Variants in NECTIN2 observed in about 807,000 individuals in gnomAD.
NECTIN2 encodes the protein nectin cell adhesion molecule 2.
In NECTIN2, 23 loss-of-function variants were observed where a neutral mutation model predicts 56.9. The ratio of observed to expected loss-of-function variants is 0.40; its 90% CI spans 0.29 to 0.57. The LOEUF (loss-of-function observed/expected upper bound fraction) is 0.57. NECTIN2 is among the 20% of genes least tolerant of loss of function. The pLI is 0.38. For missense variants in NECTIN2, 587 were observed against 718.3 expected, an observed-to-expected ratio of 0.82 and a Z score of 2.09; for synonymous variants, 302 against 313.8, an observed-to-expected ratio of 0.96 and a Z score of 0.40.
In NECTIN2 at chr19:44,888,825, T is replaced by A. The variant is rs1969389345; in HGVS notation, c.*446T>A. ...GACCTGAGCCCTCCAGGCAGCAGGG[T>A]CCCACTTACCCCCTCCCCACCCTGT... On this transcript the variant is annotated 3_prime_UTR_variant, in exon 9 of 9. Transcript: ENST00000252483. 1 of 160,942 alleles carries A rather than the reference T, an allele frequency of 6.2e-6. No homozygotes were observed. Among genetic ancestry groups the A allele is most frequent in the Non-Finnish European group, 1.4e-5 (1 of 72,830 alleles). The allele number at this position is 160,942 out of a possible 1,614,324, so 10.0% of individuals were successfully genotyped here.
chr19:44,852,006 G>A (rs1223850744), intron 1 of NECTIN2, among the ~76,000 whole-genome samples: 1 of 152,016 alleles, frequency 6.6e-6, no homozygotes, highest in African/African-American at 2.4e-5. Context: ...CCCATTCCAA[G>A]TTCTGAGTGT....
intron 1 of NECTIN2, among the ~76,000 whole-genome samples, chr19:44,860,746 G>A (rs1049036398): frequency 6.6e-6 from 1 of 151,384 alleles, no homozygotes. Context: ...AAGTGAACAC[G>A]TCCGGCTAAT....
chr19:44,872,245 G>T, intron 3 of NECTIN2, 96 bp downstream of exon 3: 1 of 1,432,094 alleles, frequency 7.0e-7, no homozygotes, highest in Non-Finnish European at 9.5e-7. Context: ...TGTCTACGTG[G>T]GTTCCCTGAA....
rs1568596078 is a variant in NECTIN2, at chr19:44,873,942, T to C, written c.802T>C (p.Tyr268His). Residue 268 changes from tyrosine to histidine, a missense_variant, in exon 4 of 9, where the codon TAT (tyrosine) becomes CAT (histidine). Coordinates refer to ENST00000252483, the MANE Select transcript of NECTIN2 (RefSeq NM_001042724.2). Reference protein sequence around the residue: ...RYPPEVSISGYDDNWYLGRTD... With the variant: ...RYPPEVSISGHDDNWYLGRTD... Reference sequence around the variant, plus strand: ...CCCTCCTGAAGTGTCCATCTCCGGCTATGATGACAACTGGTACCTCGGCCG... The same window carrying C: ...CCCTCCTGAAGTGTCCATCTCCGGCCATGATGACAACTGGTACCTCGGCCG... 2.7e-5 allele frequency: 43 copies of C among 1,614,042 alleles called. No homozygotes were observed. The highest frequency in any genetic ancestry group is 3.6e-5 in the Non-Finnish European group (43 of 1,179,930).
At chr19:44,846,750 C>T (rs1968840114) in intron 1 of NECTIN2, 137 bp downstream of exon 1, 7 of 979,714 alleles carry the variant, frequency 7.1e-6, no homozygotes, top group Non-Finnish European at 8.6e-6. Flanking sequence ...CCTGGCTGGC[C>T]CCACAGACTC....
intron 2 of NECTIN2, among the ~76,000 whole-genome samples, chr19:44,869,858 C>T (rs936614267): frequency 5.9e-5 from 9 of 151,756 alleles, no homozygotes; most frequent in South Asian, 2.1e-4. Context: ...CTAAGGCAGG[C>T]GAATTGCTGA....
chr19:44,874,696 G>C lies in NECTIN2; in HGVS notation c.1042+218G>C. On this transcript the variant is annotated intron_variant, in intron 5 of 8. Transcript: ENST00000252483. This position sits in a 1 kb window ranked among gnomAD's most constrained non-coding sequence, Gnocchi z 6.3. ...GGGGTAGGTGAAGGCAGCAGAGTTG[G>C]GGGGTTGAGGACTTTGCTCGGGGTT... is the stretch of plus-strand genomic sequence containing the variant. 2 of 578,416 alleles carry C rather than the reference G, an allele frequency of 3.5e-6. No individual in the cohort carries two copies. Among genetic ancestry groups the C allele is most frequent in the Non-Finnish European group, 6.1e-6 (2 of 327,248 alleles). The allele number at this position is 578,416 out of a possible 1,614,324, so 35.8% of individuals were successfully genotyped here.
At chr19:44,878,558 G>C (rs776033213) in intron 5 of NECTIN2, 4 of 1,613,832 alleles carry the variant, frequency 2.5e-6, no homozygotes, top group Non-Finnish European at 2.5e-6. Flanking sequence ...CCCAGCACTC[G>C]AGGATGACAT....
At chr19:44,872,972 C>T (rs1211976676) in intron 3 of NECTIN2, among the ~76,000 whole-genome samples, 1 of 150,896 alleles carries the variant, frequency 6.6e-6, no homozygotes, top group South Asian at 2.1e-4. Flanking sequence ...TTGATCCTGA[C>T]CCCTCCCACT....
intron 5 of NECTIN2, chr19:44,881,968 C>A: frequency 2.8e-6 from 1 of 358,704 alleles, no homozygotes; most frequent in Non-Finnish European, 5.0e-6. Flanking sequence ...CCCTGCCCAA[C>A]CAGAATCAAA....
intron 6 of NECTIN2, among the ~76,000 whole-genome samples, chr19:44,883,954 A>C (rs1200475641): frequency 6.7e-6 from 1 of 150,282 alleles, no homozygotes; most frequent in Non-Finnish European, 1.5e-5. Flanking sequence ...ACCTGTCTAC[A>C]AAAAAAATAC....
chr19:44,874,301 C>A lies in NECTIN2; in HGVS notation c.894-29C>A. The A allele has an allele frequency of 8.1e-6, 13 of 1,610,194 alleles. No individual in the cohort carries two copies. Among genetic ancestry groups the A allele is most frequent in the Non-Finnish European group, 1.1e-5 (13 of 1,176,494 alleles). ...TGTGCTCCCCTCTCGACCTTGGTAT[C>A]CCTCTCACCTGACCCCACACCCCTC... On this transcript the variant is annotated intron_variant, in intron 4 of 8. Coordinates refer to ENST00000252483, the MANE Select transcript of NECTIN2 (RefSeq NM_001042724.2). This position sits in a 1 kb window ranked among gnomAD's most constrained non-coding sequence, Gnocchi z 6.3.
chr19:44,852,538 A>C (rs1469239786), intron 1 of NECTIN2, among the ~76,000 whole-genome samples: 2 of 151,532 alleles, frequency 1.3e-5, no homozygotes, highest in Non-Finnish European at 2.9e-5. Flanking sequence ...AAAAAAAAAA[A>C]AAACAGAAAA....
At chr19:44,854,810 C>A (rs1968944428) in intron 1 of NECTIN2, among the ~76,000 whole-genome samples, 1 of 151,056 alleles carries the variant, frequency 6.6e-6, no homozygotes, top group East Asian at 1.9e-4. Flanking sequence ...GAGACTCCAC[C>A]TCAAAAAAAA....
Position 44,888,489 on chromosome 19 carries a change from G to A in NECTIN2, c.*110G>A. The A allele has an allele frequency of 8.3e-7, 1 of 1,211,542 alleles. No individual in the cohort carries two copies. Among genetic ancestry groups the A allele is most frequent in the Non-Finnish European group, 1.2e-6 (1 of 868,046 alleles). 75.0% of individuals were successfully genotyped at this position (1,211,542 alleles called of 1,614,324 possible). A position where few individuals can be genotyped will look rare whatever the true frequency, so the allele number is the denominator to read the frequency against. ...CAGGCCACTGTCAGTTAACACATATGCATTCCATTTGTGATGTCTACCTTG... is the reference window on the plus strand; with the variant it reads ...CAGGCCACTGTCAGTTAACACATATACATTCCATTTGTGATGTCTACCTTG... On this transcript the variant is annotated 3_prime_UTR_variant, in exon 9 of 9. Coordinates refer to ENST00000252483, the MANE Select transcript of NECTIN2 (RefSeq NM_001042724.2).
At chr19:44,872,948 C>T (rs1329504262) in intron 3 of NECTIN2, among the ~76,000 whole-genome samples, 1 of 148,240 alleles carries the variant, frequency 6.7e-6, no homozygotes, top group East Asian at 1.9e-4. Context: ...ACAGGCTCCA[C>T]CCCCCGGGCC....
chr19:44,858,879 G>T (rs1033183693), intron 1 of NECTIN2, among the ~76,000 whole-genome samples: 2 of 152,102 alleles, frequency 1.3e-5, no homozygotes, highest in African/African-American at 4.8e-5. Context: ...CTGGCCCCAA[G>T]TGAGCCTCCT....
rs139659409 is a variant in NECTIN2, at chr19:44,882,906, G to C, written c.1196+542G>C. 4.7e-3 allele frequency among the ~76,000 whole-genome samples: 704 copies of C among 150,580 alleles called. 3 individuals carry two copies. The highest frequency in any genetic ancestry group is 0.017 in the African/African-American group (683 of 40,934). Reference sequence around the variant, plus strand: ...AAGCAATTCTCCTGCCTCAGCCTCCGGAGTAGCTGGGAATACAGGCGCCCA... The same window carrying C: ...AAGCAATTCTCCTGCCTCAGCCTCCCGAGTAGCTGGGAATACAGGCGCCCA... On this transcript the variant is annotated intron_variant, in intron 6 of 8. Transcript: ENST00000252483.
At chr19:44,854,110 G>A (rs1968935057) in intron 1 of NECTIN2, among the ~76,000 whole-genome samples, 1 of 151,876 alleles carries the variant, frequency 6.6e-6, no homozygotes, top group South Asian at 2.1e-4. Flanking sequence ...AGCTAAAAGT[G>A]GTGGGTTTGT....
Sources: gnomAD v4.1 joint callset for allele counts (sites outside exome capture counted in the v4.1 genomes callset) on GRCh38, gnomAD v4.1.1 for gene constraint, Gnocchi (gnomAD v3.1) non-coding constraint, MANE v1.5 for transcripts, NCBI Gene and HGNC (gene_info 2026-07-23, HGNC 2026-07-21) for gene names.